CYP4Z1: variants seen among roughly 807,000 people sequenced by gnomAD.
The protein encoded by CYP4Z1 is cytochrome P450 4Z1.
In CYP4Z1, 41 loss-of-function variants were observed where a neutral mutation model predicts 54.2. The ratio of observed to expected loss-of-function variants is 0.76; its 90% CI spans 0.59 to 0.98. The LOEUF is 0.98. Ranked by LOEUF, CYP4Z1 falls within the 50% of genes least tolerant of loss-of-function variation. The probability of loss-of-function intolerance (pLI) is 0.00; values close to 1 mark genes in which losing one functional copy is unlikely to be tolerated. For missense variants in CYP4Z1, 513 were observed against 599.0 expected (o/e 0.86, Z 1.50); for synonymous variants, 163 against 206.2 (o/e 0.79, Z 1.79).
At chr1:47,097,226 A>C (rs1644684565) in intron 7 of CYP4Z1, 1 of 152,184 alleles carries the variant, frequency 6.6e-6, no homozygotes, top group South Asian at 2.1e-4. Context: ...CGGGCATTTA[A>C]GTTGATTCCA....
At chr1:47,076,489 A>G (rs911784894) in intron 2 of CYP4Z1, among the ~76,000 whole-genome samples, 2 of 151,444 alleles carry the variant, frequency 1.3e-5, no homozygotes, top group African/African-American at 4.9e-5. Flanking sequence ...TTTCATTTTC[A>G]TTTGCCTCAA....
In CYP4Z1 at chr1:47,117,876, G is replaced by A. The variant is rs767060662; in HGVS notation, c.1460G>A (p.Arg487His). The A allele has an allele frequency of 2.8e-5, 45 of 1,613,426 alleles. No individual in the cohort carries two copies. The highest frequency in any genetic ancestry group is 1.5e-4 in the African/African-American group (11 of 74,864). ...CACTCAAGGCCTCCCCAGCCTGTTC[G>A]TCAAGTTGTCCTCAAGTCCAAGAAT... ...PDHSRPPQPV[R>H]QVVLKSKNGI... is the part of the protein sequence containing the mutation. The change falls in exon 12 of 12, where the codon CGT (arginine) becomes CAT (histidine). Residue 487 changes from arginine to histidine, a missense_variant. Arg to His is a conservative substitution (Grantham distance 29). Transcript: ENST00000334194.
intron 6 of CYP4Z1, among the ~76,000 whole-genome samples, chr1:47,092,021 T>G (rs1015866964): frequency 6.6e-6 from 1 of 152,040 alleles, no homozygotes; most frequent in Non-Finnish European, 1.5e-5. Context: ...TTTGAGCCAC[T>G]GGAGTCGGCA....
Position 47,082,481 on chromosome 1 carries a change from T to C in CYP4Z1, c.492+20T>C. On this transcript the variant is annotated intron_variant, in intron 4 of 11. Coordinates refer to ENST00000334194, the MANE Select transcript of CYP4Z1 (RefSeq NM_178134.3). ...ATGCTGGTAAGAGGAGAAGAGAGCA[T>C]TCGTACCTGGCCTCTGAAGTGAGGT... 9 of 1,598,544 alleles carry C rather than the reference T, an allele frequency of 5.6e-6. No individual in the cohort carries two copies. The highest frequency in any genetic ancestry group is 6.8e-6 in the Non-Finnish European group (8 of 1,172,604).
intron 2 of CYP4Z1, among the ~76,000 whole-genome samples, chr1:47,074,174 G>C (rs1402678684): frequency 6.6e-6 from 1 of 151,862 alleles, no homozygotes; most frequent in African/African-American, 2.4e-5. Context: ...TTTAGATTAA[G>C]AGGTACATGT....
intron 6 of CYP4Z1, among the ~76,000 whole-genome samples, chr1:47,087,247 T>G (rs1184167638): frequency 6.6e-6 from 1 of 152,198 alleles, no homozygotes; most frequent in African/African-American, 2.4e-5. Flanking sequence ...CATTGGTAGC[T>G]TGATGGGGAT....
At position 47,117,859 on chromosome 1, in the gene CYP4Z1, G is replaced by C. The variant is rs770453315; in HGVS notation, c.1443G>C (p.Arg481Ser). The part of the protein sequence containing the change: ...LRFKLAPDHS[R>S]PPQPVRQVVL... ...TCAAGCTGGCTCCAGACCACTCAAG[G>C]CCTCCCCAGCCTGTTCGTCAAGTTG... The change falls in exon 12 of 12, where the codon AGG becomes AGC. Residue 481 changes from arginine to serine, a missense_variant. Coordinates refer to ENST00000334194, the MANE Select transcript of CYP4Z1 (RefSeq NM_178134.3). The C allele has an allele frequency of 2.5e-6, 4 of 1,613,514 alleles. No individual in the cohort carries two copies. The highest frequency in any genetic ancestry group is 2.2e-5 in the East Asian group (1 of 44,860).
chr1:47,086,615 T>C (rs1644597073), intron 6 of CYP4Z1, among the ~76,000 whole-genome samples: 2 of 152,174 alleles, frequency 1.3e-5, no homozygotes, highest in South Asian at 2.1e-4. Context: ...GATGAGGAGA[T>C]TGCAAAAATT....
chr1:47,077,841 A>T (rs1569708220), intron 2 of CYP4Z1, among the ~76,000 whole-genome samples: 1 of 151,894 alleles, frequency 6.6e-6, no homozygotes, highest in East Asian at 1.9e-4. Context: ...CTGGTCTCAA[A>T]CTGCTGGCTT....
At chr1:47,106,287 T>TC (rs1644757330) in intron 9 of CYP4Z1, 26 bp downstream of exon 9, 4 of 1,573,860 alleles carry the variant, frequency 2.5e-6, no homozygotes, top group South Asian at 2.3e-5. Context: ...TTTTTTTTTT[T>TC]AACAATGCAG....
chr1:47,110,563 A>T (rs1305863629), intron 9 of CYP4Z1, among the ~76,000 whole-genome samples: 3 of 151,984 alleles, frequency 2.0e-5, no homozygotes, highest in Non-Finnish European at 4.4e-5. Flanking sequence ...TCTCAAAAAA[A>T]TTTTTTCATT....
intron 6 of CYP4Z1, among the ~76,000 whole-genome samples, chr1:47,087,429 T>C (rs1644604497): frequency 6.6e-6 from 1 of 152,210 alleles, no homozygotes; most frequent in African/African-American, 2.4e-5. Flanking sequence ...TAAGTTGGAT[T>C]CCTAGGTATT....
chr1:47,066,973 A>G (rs1557619200), upstream of CYP4Z1, among the ~76,000 whole-genome samples: 5 of 152,004 alleles, frequency 3.3e-5, no homozygotes, highest in Non-Finnish European at 7.4e-5. Context: ...CAAGTGTTAT[A>G]CTCTGGTGGA....
intron 7 of CYP4Z1, 21 bp from the exon 8 acceptor site, chr1:47,099,073 G>C: frequency 6.2e-7 from 1 of 1,613,758 alleles, no homozygotes; most frequent in Non-Finnish European, 8.5e-7. Flanking sequence ...TTTGGATAAA[G>C]ATCATCACTG....
chr1:47,117,859 G>T lies in CYP4Z1; in HGVS notation c.1443G>T (p.Arg481Ser), dbSNP rs770453315. ...TCAAGCTGGCTCCAGACCACTCAAG[G>T]CCTCCCCAGCCTGTTCGTCAAGTTG... ...LRFKLAPDHS[R>S]PPQPVRQVVL... is the part of the protein sequence containing the mutation. Residue 481 changes from arginine (R) to serine (S), a missense_variant, in exon 12 of 12, where the codon AGG becomes AGT. Coordinates refer to ENST00000334194, the MANE Select transcript of CYP4Z1 (RefSeq NM_178134.3). 5 of 1,613,632 alleles carry T rather than the reference G, an allele frequency of 3.1e-6. No individual in the cohort carries two copies. The highest frequency in any genetic ancestry group is 2.2e-5 in the East Asian group (1 of 44,848).
the CYP4Z1 span, among the ~76,000 whole-genome samples, chr1:47,059,254 T>C: frequency 6.6e-6 from 1 of 152,268 alleles, no homozygotes; most frequent in African/African-American, 2.4e-5. Flanking sequence ...CTGAGACATT[T>C]TTGCCTAAAC....
At chr1:47,082,819 C>G (rs1393665) in intron 4 of CYP4Z1, among the ~76,000 whole-genome samples, 147,246 of 147,248 alleles carry the variant, frequency 1, 73,622 homozygotes, top group Non-Finnish European at 1. Context: ...AGTCAGGAAA[C>G]ACTTCCTAAG....
At chr1:47,107,996 C>T (rs1199835731) in intron 9 of CYP4Z1, among the ~76,000 whole-genome samples, 7 of 152,186 alleles carry the variant, frequency 4.6e-5, no homozygotes, top group Non-Finnish European at 7.3e-5. Context: ...TCTCTGGTCT[C>T]CTGCAGTCTC....
intron 9 of CYP4Z1, among the ~76,000 whole-genome samples, chr1:47,113,886 T>A (rs1487012337): frequency 6.6e-6 from 1 of 152,128 alleles, no homozygotes; most frequent in Non-Finnish European, 1.5e-5. Flanking sequence ...TAATTTATAG[T>A]TTCAATGCCA....
Sources: gnomAD v4.1 joint callset for allele counts (sites outside exome capture counted in the v4.1 genomes callset) on GRCh38, gnomAD v4.1.1 for gene constraint, MANE v1.5 for transcripts, NCBI Gene and HGNC (gene_info 2026-07-23, HGNC 2026-07-21) for gene names.